GRIK2: variants seen among roughly 807,000 people sequenced by gnomAD.
GRIK2 encodes glutamate ionotropic receptor kainate type subunit 2.
A neutral mutation model predicts 100.3 loss-of-function variants in GRIK2; 32 were observed. The ratio of observed to expected loss-of-function variants is 0.32; its 90% CI spans 0.24 to 0.43. GRIK2 has a LOEUF of 0.43. Among genes scored for constraint, GRIK2 ranks in the 20% least tolerant of loss-of-function variants. The pLI, the probability that GRIK2 is intolerant of heterozygous loss-of-function variation, is 1.00. For synonymous variants in GRIK2, 417 were observed against 389.4 expected (o/e 1.07, Z -0.83); for missense variants, 843 against 1,114.9 (o/e 0.76, Z 3.47).
intron 14 of GRIK2, among the ~76,000 whole-genome samples, chr6:102,026,111 C>CAT (rs6149730): frequency 0.03 from 2,929 of 99,084 alleles, 85 homozygotes; most frequent in Non-Finnish European, 0.034. Flanking sequence ...TATACACTTA[C>CAT]ATATATATAT....
intron 7 of GRIK2, among the ~76,000 whole-genome samples, chr6:101,782,723 A>G (rs1409674069): frequency 1.3e-5 from 2 of 152,188 alleles, no homozygotes; most frequent in Non-Finnish European, 2.9e-5. Context: ...ATACATACCC[A>G]GTAGTGAGAT....
chr6:101,831,951 A>C (rs957297151), intron 10 of GRIK2, among the ~76,000 whole-genome samples: 2 of 152,148 alleles, frequency 1.3e-5, no homozygotes, highest in Non-Finnish European at 2.9e-5. Context: ...AGTTTAGATT[A>C]GTGGTGGTAT....
At chr6:101,949,085 A>G (rs1360854808) in intron 14 of GRIK2, among the ~76,000 whole-genome samples, 1 of 152,180 alleles carries the variant, frequency 6.6e-6, no homozygotes, top group Non-Finnish European at 1.5e-5. Context: ...TCAACAGTTT[A>G]ACTTTATGAT....
chr6:101,850,196 A>G (rs1320686101), intron 10 of GRIK2, among the ~76,000 whole-genome samples: 2 of 151,990 alleles, frequency 1.3e-5, no homozygotes, highest in Non-Finnish European at 1.5e-5. Flanking sequence ...AGGATAATAT[A>G]TAATTGGTAG....
chr6:101,814,878 G>T (rs936948278), intron 9 of GRIK2, among the ~76,000 whole-genome samples: 7 of 152,084 alleles, frequency 4.6e-5, no homozygotes, highest in African/African-American at 1.7e-4. Context: ...TGTATAAACA[G>T]AATATAATTA....
At chr6:101,799,595 A>G (rs997793052) in intron 7 of GRIK2, 53 bp from the exon 8 acceptor site, 1 of 1,459,432 alleles carries the variant, frequency 6.9e-7, no homozygotes, top group East Asian at 2.3e-5. Context: ...ACCATCTACC[A>G]CAAGTTCTAC....
chr6:101,706,645 G>C (rs1461102748), intron 7 of GRIK2, among the ~76,000 whole-genome samples: 1 of 151,892 alleles, frequency 6.6e-6, no homozygotes, highest in African/African-American at 2.4e-5. Context: ...ACCTGTAAAA[G>C]GAGAGAGGGA....
intron 4 of GRIK2, among the ~76,000 whole-genome samples, chr6:101,632,974 T>C (rs1780835363): frequency 6.6e-6 from 1 of 152,096 alleles, no homozygotes; most frequent in African/African-American, 2.4e-5. Context: ...GAGTCTACAG[T>C]GTGCAACATG....
chr6:101,406,286 C>G (rs1393811906), intron 2 of GRIK2, among the ~76,000 whole-genome samples: 1 of 152,028 alleles, frequency 6.6e-6, no homozygotes, highest in African/African-American at 2.4e-5. Flanking sequence ...AAGATAGCAG[C>G]ATTCAGATAT....
intron 2 of GRIK2, among the ~76,000 whole-genome samples, chr6:101,411,693 C>G (rs1024997912): frequency 7.9e-5 from 12 of 151,996 alleles, no homozygotes; most frequent in Non-Finnish European, 1.5e-5. Context: ...ACAGTTGGGG[C>G]TTAGATATTT....
At chr6:101,423,250 C>T (rs1737719578) in intron 2 of GRIK2, among the ~76,000 whole-genome samples, 1 of 152,120 alleles carries the variant, frequency 6.6e-6, no homozygotes, top group East Asian at 1.9e-4. Context: ...GTATATTTTC[C>T]AGACTAACTT....
At chr6:101,827,767 G>A (rs150519652) in intron 10 of GRIK2, among the ~76,000 whole-genome samples, 139 of 152,012 alleles carry the variant, frequency 9.1e-4, no homozygotes, top group African/African-American at 3.2e-3. Flanking sequence ...CAATATTGGA[G>A]CTCCCACGTT....
chr6:101,581,449 A>G (rs914693656), intron 2 of GRIK2, among the ~76,000 whole-genome samples: 1 of 152,108 alleles, frequency 6.6e-6, no homozygotes, highest in Non-Finnish European at 1.5e-5. Context: ...CCAGTGTTTG[A>G]GGACAGGAAA....
intron 4 of GRIK2, among the ~76,000 whole-genome samples, chr6:101,636,317 CAG>C (rs1293415469): frequency 9.2e-5 from 14 of 151,948 alleles, no homozygotes; most frequent in African/African-American, 3.4e-4. Flanking sequence ...CACATGGACA[CAG>C]AGGGGGCACA....
intron 2 of GRIK2, among the ~76,000 whole-genome samples, chr6:101,552,794 C>A (rs1279068104): frequency 1.3e-5 from 2 of 152,144 alleles, no homozygotes; most frequent in African/African-American, 2.4e-5. Flanking sequence ...TCAAAAGCCA[C>A]TAATGAAAAA....
At chr6:101,497,775 G>T (rs1384825197) in intron 2 of GRIK2, among the ~76,000 whole-genome samples, 1 of 151,952 alleles carries the variant, frequency 6.6e-6, no homozygotes, top group Non-Finnish European at 1.5e-5. Context: ...TTTAAAATAA[G>T]AAATATAAAT....
chr6:101,431,055 C>T, intron 2 of GRIK2: 1 of 252,052 alleles, frequency 4.0e-6, no homozygotes. Flanking sequence ...GCCCTGGGTG[C>T]CACATACATG....
chr6:102,046,430 C>A (rs1192253316), intron 15 of GRIK2, among the ~76,000 whole-genome samples: 1 of 152,088 alleles, frequency 6.6e-6, no homozygotes, highest in African/African-American at 2.4e-5. Flanking sequence ...TTCCCCCATG[C>A]TCTTCTTGTG....
intron 10 of GRIK2, among the ~76,000 whole-genome samples, chr6:101,824,137 G>A (rs149067229): frequency 1.6e-4 from 24 of 151,938 alleles, no homozygotes; most frequent in Admixed American, 3.3e-4. Flanking sequence ...TTCCAGCCTC[G>A]GCCTCCCGAA....
Sources: allele counts gnomAD v4.1 joint callset (sites outside exome capture counted in the v4.1 genomes callset), GRCh38; gene constraint gnomAD v4.1.1; transcripts MANE v1.5; gene names NCBI Gene and HGNC (gene_info 2026-07-23, HGNC 2026-07-21).